The following PEX7 variants were observed in gnomAD, a reference collection of about 807,000 sequenced individuals.
PEX7 encodes the protein PTS2 receptor.
Under a neutral mutation model 47.5 loss-of-function variants are expected in PEX7, and 34 were observed. The observed-to-expected ratio is 0.72, with a 90% CI of 0.54 to 0.95. The LOEUF (loss-of-function observed/expected upper bound fraction) is 0.95. PEX7 is among the 40% of genes least tolerant of loss of function. The pLI, the probability that PEX7 is intolerant of heterozygous loss-of-function variation, is 0.00. For synonymous variants in PEX7, 141 were observed against 148.8 expected (o/e 0.95, Z 0.38); for missense variants, 394 against 400.3 (o/e 0.98, Z 0.13).
chr6:136,826,251 T>C, intron 2 of PEX7, 68 bp from the exon 3 acceptor site: 1 of 1,461,084 alleles, frequency 6.8e-7, no homozygotes, highest in East Asian at 2.3e-5. Context: ...ATAATTGTTA[T>C]TTTTTTTGTT....
At chr6:136,841,159 G>A (rs117236410) in intron 3 of PEX7, among the ~76,000 whole-genome samples, 1,770 of 152,220 alleles carry the variant, frequency 0.012, 20 homozygotes, top group Non-Finnish European at 0.019. Context: ...GATTGAAGTT[G>A]GGATAATGGA....
chr6:136,871,064 C>G (rs1775171467), intron 7 of PEX7, among the ~76,000 whole-genome samples: 1 of 152,174 alleles, frequency 6.6e-6, no homozygotes, highest in African/African-American at 2.4e-5. Flanking sequence ...ACATAGGAGA[C>G]ACAGTGCTCT....
rs779919482 is a variant in PEX7, at chr6:136,898,249, A to T, written c.903+8A>T. The T allele has an allele frequency of 3.9e-5, 58 of 1,473,026 alleles. No homozygotes were observed. Among genetic ancestry groups the T allele is most frequent in the Admixed American group, 3.3e-5 (2 of 59,808 alleles). 91.2% of individuals were successfully genotyped at this position (1,473,026 alleles called of 1,614,324 possible). On this transcript the variant is annotated splice_region_variant and intron_variant, in intron 9 of 9. Transcript: ENST00000318471. ...CTTCAGAGCCCCACTCAGGTAACGG[A>T]TACAATCTCATGATATTCTCTTCTG...
chr6:136,849,898 TG>T (rs927285437), intron 5 of PEX7, among the ~76,000 whole-genome samples: 13 of 152,192 alleles, frequency 8.5e-5, no homozygotes, highest in African/African-American at 2.9e-4. Flanking sequence ...GTTTAATTCC[TG>T]GATATCCTTG....
In PEX7 at chr6:136,861,047, A is replaced by C. The variant is rs1774953215; in HGVS notation, c.527-5580A>C. Among the ~76,000 whole-genome samples the C allele has an allele frequency of 2.0e-5, 3 of 152,048 alleles. No individual in the cohort carries two copies. In the South Asian group the frequency reaches 6.2e-4, roughly 32 times the overall value. On this transcript the variant is annotated intron_variant, in intron 5 of 9. Transcript: ENST00000318471. ...CTACAATAACAGTTCTTAATCTCCT[A>C]GTCTGCATTCATTGTAATGTTTTGG...
chr6:136,853,146 G>A (rs1055736332), intron 5 of PEX7, among the ~76,000 whole-genome samples: 15 of 152,170 alleles, frequency 9.9e-5, no homozygotes, highest in Non-Finnish European at 2.1e-4. Context: ...AGTTTCATTG[G>A]GATGCAGCTA....
intron 3 of PEX7, among the ~76,000 whole-genome samples, chr6:136,837,006 TA>T (rs1774397660): frequency 6.6e-6 from 1 of 151,458 alleles, no homozygotes; most frequent in African/African-American, 2.4e-5. Flanking sequence ...TCAAAAAAAT[TA>T]ACATTGTTAC....
intron 5 of PEX7, among the ~76,000 whole-genome samples, chr6:136,862,959 T>C (rs1403717835): frequency 6.6e-6 from 1 of 152,180 alleles, no homozygotes; most frequent in Non-Finnish European, 1.5e-5. Flanking sequence ...CCCTGCATTA[T>C]ACACTGAAGG....
chr6:136,861,970 TC>T (rs1733866613), intron 5 of PEX7, among the ~76,000 whole-genome samples: 1 of 144,824 alleles, frequency 6.9e-6, no homozygotes, highest in Admixed American at 6.9e-5. Flanking sequence ...CTGGAGAAGG[TC>T]ATGAGAGATC....
chr6:136,864,105 G>A (rs1193479693), intron 5 of PEX7, among the ~76,000 whole-genome samples: 1 of 151,874 alleles, frequency 6.6e-6, no homozygotes, highest in African/African-American at 2.4e-5. Context: ...CATTTGTATA[G>A]TACTATATTC....
At chr6:136,905,133 C>G (rs550208825) in intron 9 of PEX7, among the ~76,000 whole-genome samples, 38 of 152,222 alleles carry the variant, frequency 2.5e-4, no homozygotes, top group African/African-American at 7.9e-4. Flanking sequence ...GTTCTACTTA[C>G]TGTTAGAAGA....
chr6:136,890,670 G>A (rs1775539108), intron 8 of PEX7, among the ~76,000 whole-genome samples: 2 of 152,278 alleles, frequency 1.3e-5, no homozygotes, highest in South Asian at 2.1e-4. Flanking sequence ...GACAGCCTGA[G>A]TAGGTTTATT....
At chr6:136,866,890 G>C (rs979708968) in intron 6 of PEX7, among the ~76,000 whole-genome samples, 157 bp downstream of exon 6, 1 of 152,172 alleles carries the variant, frequency 6.6e-6, no homozygotes, top group African/African-American at 2.4e-5. Flanking sequence ...TGACTGACCT[G>C]CATTAGCATT....
intron 6 of PEX7, among the ~76,000 whole-genome samples, chr6:136,868,665 G>A (rs1409055966): frequency 6.6e-6 from 1 of 151,746 alleles, no homozygotes; most frequent in Non-Finnish European, 1.5e-5. Flanking sequence ...GCCCAACATA[G>A]TCAGACAATG....
At chr6:136,837,900 A>C (rs1462837068) in intron 3 of PEX7, among the ~76,000 whole-genome samples, 1 of 152,188 alleles carries the variant, frequency 6.6e-6, no homozygotes, top group Non-Finnish European at 1.5e-5. Context: ...GGAAAAATGT[A>C]GTCACCATTG....
intron 8 of PEX7, among the ~76,000 whole-genome samples, chr6:136,890,911 A>G (rs1292966111): frequency 5.3e-5 from 8 of 152,306 alleles, no homozygotes; most frequent in African/African-American, 1.4e-4. Context: ...TACACAGACT[A>G]TTCTTATCCT....
At chr6:136,837,634 A>G (rs971528773) in intron 3 of PEX7, among the ~76,000 whole-genome samples, 1 of 152,004 alleles carries the variant, frequency 6.6e-6, no homozygotes, top group Non-Finnish European at 1.5e-5. Flanking sequence ...TGGAGAAGTC[A>G]TTTATTCCAG....
At chr6:136,897,005 C>G (rs573293090) in intron 8 of PEX7, among the ~76,000 whole-genome samples, 7 of 152,272 alleles carry the variant, frequency 4.6e-5, no homozygotes, top group Admixed American at 3.9e-4. Context: ...TTTGGTTGAA[C>G]AGGCAAATTT....
In PEX7 at chr6:136,866,737, T is replaced by TAGTG; in HGVS notation, c.633+5_633+8dup. 1.9e-6 allele frequency: 3 copies of TAGTG among 1,602,286 alleles called. No individual in the cohort carries two copies. Among genetic ancestry groups the TAGTG allele is most frequent in the African/African-American group, 1.3e-5 (1 of 74,766 alleles). ...TGACTGGTGTAAATACAATGAGGTA[T>TAGTG]AGTGTATGGCTCTATCCTATGCTGC... On this transcript the variant is annotated splice_donor_region_variant and intron_variant, in intron 6 of 9. Transcript: ENST00000318471.
Sources: gnomAD v4.1 joint callset for allele counts (sites outside exome capture counted in the v4.1 genomes callset) on GRCh38, gnomAD v4.1.1 for gene constraint, MANE v1.5 for transcripts, NCBI Gene and HGNC (gene_info 2026-07-23, HGNC 2026-07-21) for gene names.